Variants in GREB1L observed in about 807,000 individuals in gnomAD.
The protein encoded by GREB1L is GREB1 like retinoic acid receptor coactivator.
Under a neutral mutation model 200.8 loss-of-function variants are expected in GREB1L, and 17 were observed. That is an observed-to-expected ratio of 0.08 (90% confidence interval 0.06 to 0.13). GREB1L has a LOEUF of 0.13. Among genes scored for constraint, GREB1L ranks in the 10% least tolerant of loss-of-function variants. The probability of loss-of-function intolerance (pLI) is 1.00; values close to 1 mark genes in which losing one functional copy is unlikely to be tolerated. For synonymous variants in GREB1L, 789 were observed against 893.0 expected, an observed-to-expected ratio of 0.88 and a Z score of 2.08; for missense variants, 1,657 against 2,367.7, an observed-to-expected ratio of 0.70 and a Z score of 6.23.
chr18:21,260,968 C>T (rs563833725), intron 1 of GREB1L, among the ~76,000 whole-genome samples: 8 of 151,822 alleles, frequency 5.3e-5, no homozygotes, highest in South Asian at 2.1e-4. Context: ...TCAATTACCT[C>T]GTTTTAAAGT....
rs2037385425 is a variant in GREB1L at position 21,515,465 on chromosome 18, T to G, written c.4950T>G (p.Thr1650=). ...GVSSKNVSLK[T]VLQHIEATPK... ...CCAGTAAGAATGTGTCCTTGAAGAC[T>G]GTCTTGCAGCACATTGAAGCCACAC... Residue 1650 remains threonine, a synonymous_variant, in exon 29 of 33, where the codon ACT becomes ACG. Transcript: ENST00000424526. 1.3e-6 allele frequency: 2 copies of G among 1,551,696 alleles called. No homozygotes were observed. The highest frequency in any genetic ancestry group is 8.7e-7 in the Non-Finnish European group (1 of 1,146,978).
chr18:21,490,480 T>A, intron 19 of GREB1L, 129 bp downstream of exon 19: 1 of 741,396 alleles, frequency 1.3e-6, no homozygotes, highest in South Asian at 1.9e-5. Flanking sequence ...ATGATAAGGC[T>A]AAATTAAGGG....
intron 1 of GREB1L, among the ~76,000 whole-genome samples, chr18:21,297,351 T>TC (rs1351419552): frequency 6.6e-6 from 1 of 152,148 alleles, no homozygotes; most frequent in Non-Finnish European, 1.5e-5. Context: ...TGCTTGTACT[T>TC]CTTGTCGGCA....
chr18:21,444,553 T>G, intron 11 of GREB1L, 144 bp downstream of exon 11: 1 of 698,912 alleles, frequency 1.4e-6, no homozygotes, highest in African/African-American at 1.8e-5. Context: ...AACCCCATTC[T>G]CTGTAACTTT....
chr18:21,253,766 A>ACATACTGCTAATATGATTTCC (rs1253740284), intron 1 of GREB1L, among the ~76,000 whole-genome samples: 2 of 151,352 alleles, frequency 1.3e-5, no homozygotes, highest in African/African-American at 4.8e-5. Flanking sequence ...TAATGATTTT[A>ACATACTGCTAATATGATTTCC]CATACTGCTA....
At chr18:21,314,868 A>AT (rs2038843770) in intron 1 of GREB1L, among the ~76,000 whole-genome samples, 1 of 152,168 alleles carries the variant, frequency 6.6e-6, no homozygotes, top group South Asian at 2.1e-4. Context: ...CCCATCCTTG[A>AT]TTTTAAGGGT....
intron 31 of GREB1L, among the ~76,000 whole-genome samples, chr18:21,518,484 C>T (rs1417451597): frequency 6.6e-6 from 1 of 152,190 alleles, no homozygotes; most frequent in African/African-American, 2.4e-5. Context: ...TATTTTATCT[C>T]CACAAATGAG....
At chr18:21,500,705 C>A in intron 23 of GREB1L, 63 bp downstream of exon 23, 1 of 1,208,562 alleles carries the variant, frequency 8.3e-7, no homozygotes, top group Non-Finnish European at 1.2e-6. Flanking sequence ...ATTGCAAATC[C>A]CGGGAACTTG....
intron 1 of GREB1L, among the ~76,000 whole-genome samples, chr18:21,362,641 G>A (rs367582296): frequency 1.3e-5 from 2 of 152,036 alleles, no homozygotes; most frequent in African/African-American, 2.4e-5. Flanking sequence ...TTCTAAAAAC[G>A]GGTTGTTAAT....
intron 24 of GREB1L, 71 bp from the exon 25 acceptor site, chr18:21,505,739 G>C (rs2036985996): frequency 6.9e-7 from 1 of 1,451,702 alleles, no homozygotes; most frequent in Non-Finnish European, 9.3e-7. Context: ...TGGGGAAAGA[G>C]GGACTTTTCT....
At chr18:21,298,117 T>G (rs1408255359) in intron 1 of GREB1L, among the ~76,000 whole-genome samples, 5 of 152,168 alleles carry the variant, frequency 3.3e-5, no homozygotes, top group Admixed American at 6.5e-5. Flanking sequence ...AGGAGATTGT[T>G]TTATTTGGAA....
At chr18:21,456,066 C>T (rs1281048223) in intron 15 of GREB1L, among the ~76,000 whole-genome samples, 2 of 151,972 alleles carry the variant, frequency 1.3e-5, no homozygotes, top group African/African-American at 4.8e-5. Context: ...CCACCACTCC[C>T]AGCCAATTTT....
At chr18:21,491,706 C>G (rs2036344723) in intron 19 of GREB1L, among the ~76,000 whole-genome samples, 1 of 132,852 alleles carries the variant, frequency 7.5e-6, no homozygotes, top group Non-Finnish European at 1.5e-5. Flanking sequence ...GAGCGAGACT[C>G]TGTCTCAAAA....
Position 21,393,616 on chromosome 18 carries a change from A to C in GREB1L, c.356-1769A>C, listed in dbSNP as rs2040920835. Among the ~76,000 whole-genome samples, 4 of 152,270 alleles carry C rather than the reference A, an allele frequency of 2.6e-5. No homozygotes were observed. The South Asian group carries it at 8.3e-4, about 32-fold the overall frequency. Reference sequence around the variant, plus strand: ...GCTAATTTTTTTGTATCTTTAGTAGAGACGGGGTTTCACCATGTTAGCCAA... The same window carrying C: ...GCTAATTTTTTTGTATCTTTAGTAGCGACGGGGTTTCACCATGTTAGCCAA... On this transcript the variant is annotated intron_variant, in intron 4 of 32. Transcript: ENST00000424526.
At chr18:21,293,392 A>G (rs1166975122) in intron 1 of GREB1L, among the ~76,000 whole-genome samples, 3 of 152,222 alleles carry the variant, frequency 2.0e-5, no homozygotes, top group Non-Finnish European at 4.4e-5. Context: ...TTTAATGGGA[A>G]CAATCATTTT....
intron 2 of GREB1L, among the ~76,000 whole-genome samples, chr18:21,367,147 C>T (rs753846961): frequency 1.4e-4 from 21 of 152,254 alleles, no homozygotes; most frequent in Non-Finnish European, 2.9e-4. Context: ...TATTTTGTTA[C>T]TTAGTAAAAG....
At position 21,256,365 on chromosome 18, in the gene GREB1L, G is replaced by A. The variant is rs117620114; in HGVS notation, c.-120+13972G>A. Among the ~76,000 whole-genome samples, 106 of 152,260 alleles carry A rather than the reference G, an allele frequency of 7.0e-4. 1 individual carries two copies. The East Asian group carries it at 0.02, about 29-fold the overall frequency. ...TGGCAACATTAGAGAATAGTTAGGT[G>A]TACATTTTCACAAGTTGGAGCACAG... On this transcript the variant is annotated intron_variant, in intron 1 of 32. Coordinates refer to ENST00000424526, the MANE Select transcript of GREB1L (RefSeq NM_001142966.3).
At chr18:21,384,485 A>G (rs1567967386) in intron 4 of GREB1L, 82 bp downstream of exon 4, 16 of 1,103,480 alleles carry the variant, frequency 1.4e-5, no homozygotes, top group Non-Finnish European at 1.8e-5. Context: ...TGAGGTGCTC[A>G]AGGCTGGAAA....
At chr18:21,302,598 C>T (rs1391545927) in intron 1 of GREB1L, among the ~76,000 whole-genome samples, 1 of 152,178 alleles carries the variant, frequency 6.6e-6, no homozygotes, top group Non-Finnish European at 1.5e-5. Context: ...TGGGACATAG[C>T]GGCTTCCTTA....
Sources: allele counts gnomAD v4.1 joint callset (sites outside exome capture counted in the v4.1 genomes callset), GRCh38; gene constraint gnomAD v4.1.1; transcripts MANE v1.5; gene names NCBI Gene and HGNC (gene_info 2026-07-23, HGNC 2026-07-21).